The following MGAT5 variants were observed in gnomAD, a reference collection of about 807,000 sequenced individuals.
MGAT5 encodes alpha-1,6-mannosylglycoprotein 6-beta-N-acetylglucosaminyltransferase A.
Under a neutral mutation model 94.3 loss-of-function variants are expected in MGAT5, and 30 were observed. The observed-to-expected ratio is 0.32, with a 90% confidence interval of 0.24 to 0.43. MGAT5 has a LOEUF of 0.43. Among genes scored for constraint, MGAT5 ranks in the 20% least tolerant of loss-of-function variants. The pLI, the probability that MGAT5 is intolerant of heterozygous loss-of-function variation, is 1.00. For missense variants in MGAT5, 691 were observed against 905.5 expected (o/e 0.76, Z 3.04); for synonymous variants, 310 against 322.9 (o/e 0.96, Z 0.43).
intron 1 of MGAT5, among the ~76,000 whole-genome samples, chr2:134,129,740 C>G (rs912834414): frequency 6.9e-6 from 1 of 145,870 alleles, no homozygotes; most frequent in African/African-American, 2.5e-5. Context: ...TTTACTTGTT[C>G]TGGCTTATGT....
At chr2:134,277,955 C>T (rs1684479374) in intron 2 of MGAT5, among the ~76,000 whole-genome samples, 1 of 152,112 alleles carries the variant, frequency 6.6e-6, no homozygotes, top group Non-Finnish European at 1.5e-5. Context: ...CTCTTGGTTG[C>T]AAGAGGCCAA....
chr2:134,402,785 G>A (rs1683127680), intron 10 of MGAT5, among the ~76,000 whole-genome samples: 1 of 152,076 alleles, frequency 6.6e-6, no homozygotes, highest in South Asian at 2.1e-4. Context: ...TTATACAATG[G>A]CTATATGACT....
chr2:134,442,003 C>T (rs1685512964), intron 15 of MGAT5, 88 bp downstream of exon 15: 1 of 1,456,150 alleles, frequency 6.9e-7, no homozygotes, highest in South Asian at 1.3e-5. Flanking sequence ...CAGGTTTCCT[C>T]TTCCAAGCTA....
intron 1 of MGAT5, among the ~76,000 whole-genome samples, chr2:134,195,899 G>A (rs1248207350): frequency 6.6e-6 from 1 of 152,160 alleles, no homozygotes; most frequent in East Asian, 1.9e-4. Flanking sequence ...AGGGGTCTAG[G>A]CTTTGCAGTG....
chr2:134,225,115 CG>C (rs756282405), intron 1 of MGAT5, among the ~76,000 whole-genome samples: 2 of 144,040 alleles, frequency 1.4e-5, no homozygotes, highest in Non-Finnish European at 3.0e-5. Flanking sequence ...CGGTGGAAAT[CG>C]GGGGGGAATT....
At chr2:134,318,615 G>T in intron 3 of MGAT5, 35 bp from the exon 4 acceptor site, 6 of 1,531,024 alleles carry the variant, frequency 3.9e-6, no homozygotes, top group Non-Finnish European at 5.4e-6. Flanking sequence ...GAGGGCCTGT[G>T]AATGGGCTGC....
At chr2:134,156,937 G>T (rs1160604332) in intron 1 of MGAT5, among the ~76,000 whole-genome samples, 2 of 152,132 alleles carry the variant, frequency 1.3e-5, no homozygotes, top group African/African-American at 4.8e-5. Context: ...TCTTGTCAGG[G>T]TTTCTCGTTC....
intron 1 of MGAT5, among the ~76,000 whole-genome samples, chr2:134,236,145 C>G (rs890344152): frequency 6.6e-6 from 1 of 152,176 alleles, no homozygotes; most frequent in East Asian, 1.9e-4. Context: ...CAAAGCTCTG[C>G]CCCTAGCCCT....
At chr2:134,277,847 T>A (rs1176127644) in intron 2 of MGAT5, among the ~76,000 whole-genome samples, 1 of 152,270 alleles carries the variant, frequency 6.6e-6, no homozygotes, top group African/African-American at 2.4e-5. Context: ...ATATAGTGTT[T>A]CACTGGAACA....
intron 9 of MGAT5, among the ~76,000 whole-genome samples, chr2:134,357,316 A>G (rs1414711212): frequency 1.3e-5 from 2 of 152,214 alleles, no homozygotes; most frequent in Non-Finnish European, 2.9e-5. Flanking sequence ...CATTCAGACC[A>G]TAATGATTGT....
chr2:134,130,807 C>T (rs967207194), intron 1 of MGAT5, among the ~76,000 whole-genome samples: 8 of 150,244 alleles, frequency 5.3e-5, no homozygotes, highest in African/African-American at 2.0e-4. Flanking sequence ...GGTTTGTAAA[C>T]GCACCAAGCA....
In MGAT5 at chr2:134,452,733, A is replaced by T. The variant is rs867614826; in HGVS notation, c.*3886A>T. The T allele has an allele frequency of 1.3e-5, 2 of 152,232 alleles. No homozygotes were observed. Among genetic ancestry groups the T allele is most frequent in the Non-Finnish European group, 2.9e-5 (2 of 68,030 alleles). The allele number at this position is 152,232 out of a possible 1,614,324, so 9.4% of individuals were successfully genotyped here. On this transcript the variant is annotated 3_prime_UTR_variant, in exon 16 of 16. Transcript: ENST00000281923. Reference sequence around the variant, plus strand: ...AACGACAGGCTCTGTTGTATGTGTTACTATCCCAAGCCTGGATTATTTTAT... The same window carrying T: ...AACGACAGGCTCTGTTGTATGTGTTTCTATCCCAAGCCTGGATTATTTTAT...
At chr2:134,433,459 T>G (rs6712534) in intron 14 of MGAT5, among the ~76,000 whole-genome samples, 4,206 of 152,276 alleles carry the variant, frequency 0.028, 134 homozygotes, top group African/African-American at 0.069. Context: ...GGTGAGTTTT[T>G]TGCTCAGTGG....
At chr2:134,158,066 G>C (rs1381313244) in intron 1 of MGAT5, among the ~76,000 whole-genome samples, 1 of 152,190 alleles carries the variant, frequency 6.6e-6, no homozygotes, top group Non-Finnish European at 1.5e-5. Flanking sequence ...GGAAGGAAGC[G>C]TGTGCTGATT....
chr2:134,176,522 G>A (rs1232538354), intron 1 of MGAT5, among the ~76,000 whole-genome samples: 2 of 133,848 alleles, frequency 1.5e-5, no homozygotes, highest in African/African-American at 5.7e-5. Flanking sequence ...GCAGTGAGCC[G>A]AGATCACACC....
chr2:134,298,350 G>A (rs541618345), intron 2 of MGAT5, among the ~76,000 whole-genome samples: 11 of 152,056 alleles, frequency 7.2e-5, no homozygotes, highest in Admixed American at 6.6e-4. Flanking sequence ...TACCTGCCTC[G>A]GCCTCCCAAA....
Position 134,428,437 on chromosome 2 carries a change from C to T in MGAT5, c.1867C>T (p.Gln623Ter). The T allele has an allele frequency of 6.2e-7, 1 of 1,613,546 alleles. No homozygotes were observed. Among genetic ancestry groups the T allele is most frequent in the Non-Finnish European group, 8.5e-7 (1 of 1,179,678 alleles). ...LQRINAFIEK[Q>*]DFCHGQVMWP... ...GAGAATCAATGCTTTCATTGAAAAA[C>T]AGGTAAGGCTTATCAGAAGTCAGTC... The change falls in exon 14 of 16, where the codon CAG (glutamine) becomes TAG (stop). Residue 623 changes from glutamine to a stop codon, truncating the protein, a stop_gained and splice_region_variant. Transcript: ENST00000281923. LOFTEE classifies it high-confidence loss of function.
At chr2:134,372,696 T>G (rs1030081328) in intron 10 of MGAT5, among the ~76,000 whole-genome samples, 1 of 152,218 alleles carries the variant, frequency 6.6e-6, no homozygotes. Context: ...TAGGGAGGTG[T>G]TCCAGAAGCC....
chr2:134,302,628 C>CT (rs1686087455), intron 2 of MGAT5, among the ~76,000 whole-genome samples: 1 of 151,144 alleles, frequency 6.6e-6, no homozygotes, highest in South Asian at 2.1e-4. Flanking sequence ...CTTAAAAAGG[C>CT]TTTTTTTGGT....
Sources: allele counts gnomAD v4.1 joint callset (sites outside exome capture counted in the v4.1 genomes callset), GRCh38; gene constraint gnomAD v4.1.1; transcripts MANE v1.5; gene names NCBI Gene and HGNC (gene_info 2026-07-23, HGNC 2026-07-21).